The following NOL4 variants were observed in gnomAD, a reference collection of about 807,000 sequenced individuals.
NOL4 encodes the protein nucleolar protein 4, also known as cancer/testis antigen 125.
NOL4 carries 17 observed loss-of-function variants against 75.9 expected under a neutral mutation model. That is an observed-to-expected ratio of 0.22 (90% CI 0.15 to 0.34). The LOEUF is 0.34. Ranked by LOEUF, NOL4 falls within the 10% of genes least tolerant of loss-of-function variation. The pLI, the probability that NOL4 is intolerant of heterozygous loss-of-function variation, is 1.00. For synonymous variants in NOL4, 292 were observed against 289.9 expected (o/e 1.01, Z -0.07); for missense variants, 614 against 793.5 (o/e 0.77, Z 2.72).
intron 6 of NOL4, among the ~76,000 whole-genome samples, chr18:34,008,665 G>T (rs2146304773): frequency 6.6e-6 from 1 of 151,994 alleles, no homozygotes; most frequent in Non-Finnish European, 1.5e-5. Context: ...AGCCCGCCAT[G>T]ATGCAATCCT....
chr18:33,898,474 T>C (rs1473975091), intron 9 of NOL4, among the ~76,000 whole-genome samples: 1 of 152,160 alleles, frequency 6.6e-6, no homozygotes, highest in Admixed American at 6.6e-5. Flanking sequence ...TGAAAAATTT[T>C]TAATTATGAA....
intron 6 of NOL4, among the ~76,000 whole-genome samples, chr18:33,979,655 T>C (rs747589434): frequency 2.6e-5 from 4 of 151,928 alleles, no homozygotes; most frequent in Non-Finnish European, 2.9e-5. Flanking sequence ...TACTTTGAAA[T>C]ACTCCAAAAG....
intron 6 of NOL4, among the ~76,000 whole-genome samples, chr18:34,010,576 G>A (rs2074315420): frequency 6.6e-6 from 1 of 151,832 alleles, no homozygotes; most frequent in Admixed American, 6.6e-5. Flanking sequence ...GCATGGCAGT[G>A]GGGTTGCTGA....
chr18:34,061,734 G>T (rs2077070583), intron 5 of NOL4, among the ~76,000 whole-genome samples: 1 of 151,994 alleles, frequency 6.6e-6, no homozygotes, highest in Admixed American at 6.6e-5. Context: ...AATATAGTCA[G>T]TTTATTATAA....
In NOL4 at chr18:34,211,111, AGAAGGAAG is replaced by A. The variant is rs34370429; in HGVS notation, c.264+11871_264+11878del. On this transcript the variant is annotated intron_variant, in intron 1 of 10. Coordinates refer to ENST00000261592, the MANE Select transcript of NOL4 (RefSeq NM_003787.5). ...AAGGAGGGAAGGAAGAAGGAAGGAA[AGAAGGAAG>A]GAAGGAAGGAAGGAAGGAAGGAAAA... Among the ~76,000 whole-genome samples the A allele has an allele frequency of 2.5e-3, 371 of 149,322 alleles. 1 individual carries two copies. The highest frequency in any genetic ancestry group is 3.6e-3 in the Admixed American group (54 of 14,932).
intron 1 of NOL4, among the ~76,000 whole-genome samples, chr18:34,203,901 C>T (rs528999809): frequency 2.6e-4 from 39 of 152,024 alleles, no homozygotes; most frequent in African/African-American, 8.9e-4. Context: ...CTACATCATC[C>T]GTACCCTAAC....
chr18:33,994,113 A>G (rs192221013), intron 6 of NOL4, among the ~76,000 whole-genome samples: 36 of 151,982 alleles, frequency 2.4e-4, no homozygotes, highest in African/African-American at 8.2e-4. Flanking sequence ...TATAAACTAT[A>G]TGAACCTAAT....
chr18:34,158,367 C>G (rs554850392), intron 1 of NOL4, among the ~76,000 whole-genome samples: 28 of 152,262 alleles, frequency 1.8e-4, no homozygotes, highest in Non-Finnish European at 3.1e-4. Flanking sequence ...TGCACTAAAT[C>G]TTGCACCTGA....
At chr18:34,095,031 T>G (rs569696864) in intron 4 of NOL4, among the ~76,000 whole-genome samples, 12 of 152,266 alleles carry the variant, frequency 7.9e-5, no homozygotes, top group African/African-American at 2.6e-4. Flanking sequence ...AAATTGGCAT[T>G]CTGATTCTTA....
rs1567986395 is a variant in NOL4, at chr18:33,873,245, T to TGAAAACTACAA, written c.1723+9998_1723+9999insTTGTAGTTTTC. On this transcript the variant is annotated intron_variant, in intron 10 of 10. Transcript: ENST00000261592. Reference sequence around the variant, plus strand: ...CTACAAAGTTTTACATAATAGACTTTATGTGTTTTTCACACAAAAGAAACA... The same window carrying TGAAAACTACAA: ...CTACAAAGTTTTACATAATAGACTTTGAAAACTACAAATGTGTTTTTCACACAAAAGAAACA... Among the ~76,000 whole-genome samples the TGAAAACTACAA allele has an allele frequency of 6.5e-3, 985 of 152,128 alleles. 13 individuals are homozygous for TGAAAACTACAA. Among genetic ancestry groups the TGAAAACTACAA allele is most frequent in the African/African-American group, 0.022 (927 of 41,548 alleles).
At chr18:34,075,988 A>AG (rs2077727958) in intron 5 of NOL4, among the ~76,000 whole-genome samples, 2 of 152,154 alleles carry the variant, frequency 1.3e-5, no homozygotes, top group South Asian at 2.1e-4. Flanking sequence ...GGGGAGTATA[A>AG]ATTTTTTATA....
chr18:33,882,279 T>G (rs1568000696), intron 10 of NOL4, among the ~76,000 whole-genome samples: 1 of 151,920 alleles, frequency 6.6e-6, no homozygotes, highest in African/African-American at 2.4e-5. Flanking sequence ...GCCTACAAAA[T>G]GGGAGAAAAT....
chr18:33,856,504 G>T (rs1413438901), intron 10 of NOL4, among the ~76,000 whole-genome samples: 2 of 151,930 alleles, frequency 1.3e-5, no homozygotes, highest in Non-Finnish European at 2.9e-5. Flanking sequence ...ATATTACCAT[G>T]AGTCCTGAGT....
chr18:34,013,592 TG>T (rs2074504324), intron 6 of NOL4, among the ~76,000 whole-genome samples: 1 of 151,954 alleles, frequency 6.6e-6, no homozygotes, highest in African/African-American at 2.4e-5. Flanking sequence ...CTTACCTCAG[TG>T]CTCTGTTCAT....
intron 9 of NOL4, among the ~76,000 whole-genome samples, chr18:33,889,287 C>G (rs1217877220): frequency 6.6e-6 from 1 of 151,920 alleles, no homozygotes; most frequent in African/African-American, 2.4e-5. Flanking sequence ...GGATAAATTC[C>G]AGGACACATA....
At chr18:34,180,740 T>G (rs1031894440) in intron 1 of NOL4, among the ~76,000 whole-genome samples, 1 of 151,482 alleles carries the variant, frequency 6.6e-6, no homozygotes, top group African/African-American at 2.4e-5. Flanking sequence ...CTGATAGAAT[T>G]AATAAATGAT....
At chr18:34,106,663 T>A (rs1023852630) in intron 2 of NOL4, among the ~76,000 whole-genome samples, 2 of 151,398 alleles carry the variant, frequency 1.3e-5, no homozygotes, top group African/African-American at 4.8e-5. Flanking sequence ...AATAAGAAAA[T>A]ATATATATAA....
At chr18:34,206,426 CATTT>C (rs2036129012) in intron 1 of NOL4, among the ~76,000 whole-genome samples, 1 of 152,118 alleles carries the variant, frequency 6.6e-6, no homozygotes, top group Non-Finnish European at 1.5e-5. Flanking sequence ...CTTCCTTCAG[CATTT>C]ATTTTAGAAT....
At chr18:34,156,283 C>G (rs2030374713) in intron 1 of NOL4, among the ~76,000 whole-genome samples, 1 of 152,078 alleles carries the variant, frequency 6.6e-6, no homozygotes, top group African/African-American at 2.4e-5. Flanking sequence ...CCCATAATAT[C>G]CTGTAAATAA....
Sources: allele counts gnomAD v4.1 joint callset (sites outside exome capture counted in the v4.1 genomes callset), GRCh38; gene constraint gnomAD v4.1.1; transcripts MANE v1.5; gene names NCBI Gene and HGNC (gene_info 2026-07-23, HGNC 2026-07-21).